The following COL4A1 variants were observed in gnomAD, a reference collection of about 807,000 sequenced individuals.
The protein encoded by COL4A1 is collagen alpha-1(IV) chain.
COL4A1 carries 40 observed loss-of-function variants against 216.6 expected under a neutral mutation model. That is an observed-to-expected ratio of 0.18 (90% CI 0.14 to 0.24). COL4A1 has a LOEUF of 0.24. Ranked by LOEUF, COL4A1 falls within the 10% of genes least tolerant of loss-of-function variation. COL4A1 has a pLI of 1.00. For synonymous variants in COL4A1, 839 were observed against 810.7 expected (o/e 1.03, Z -0.59); for missense variants, 1,628 against 2,196.8 (o/e 0.74, Z 5.18).
intron 18 of COL4A1, 125 bp from the exon 19 acceptor site, chr13:110,201,647 G>T: frequency 1.1e-6 from 1 of 894,862 alleles, no homozygotes; most frequent in Non-Finnish European, 1.9e-6. Flanking sequence ...AAGTGAAGTA[G>T]CAGCAATGGT....
chr13:110,258,230 G>A (rs79421402), intron 1 of COL4A1, among the ~76,000 whole-genome samples: 15,775 of 152,250 alleles, frequency 0.1, 1,046 homozygotes, highest in Non-Finnish European at 0.15. Flanking sequence ...AAAGTGAACC[G>A]GGCAGCACTC....
At chr13:110,284,720 G>A (rs1883771303) in intron 1 of COL4A1, among the ~76,000 whole-genome samples, 1 of 152,198 alleles carries the variant, frequency 6.6e-6, no homozygotes, top group South Asian at 2.1e-4. Flanking sequence ...ATATGAAAAA[G>A]AGAGGCTCGA....
At chr13:110,245,274 C>T (rs1881747519) in intron 1 of COL4A1, among the ~76,000 whole-genome samples, 2 of 152,174 alleles carry the variant, frequency 1.3e-5, no homozygotes, top group Non-Finnish European at 2.9e-5. Context: ...TTCGGGGCAG[C>T]CTCTTTGCTG....
intron 1 of COL4A1, among the ~76,000 whole-genome samples, chr13:110,269,554 T>G (rs998920356): frequency 5.9e-5 from 9 of 152,050 alleles, no homozygotes; most frequent in African/African-American, 2.2e-4. Flanking sequence ...TTATAAAAAT[T>G]AAGCTGCACC....
chr13:110,260,905 A>C (rs969672136), intron 1 of COL4A1, among the ~76,000 whole-genome samples: 8 of 151,982 alleles, frequency 5.3e-5, no homozygotes, highest in Admixed American at 2.0e-4. Context: ...GGTGCGGTGG[A>C]GGGCACCTGT....
chr13:110,232,024 C>A (rs624085), intron 2 of COL4A1, among the ~76,000 whole-genome samples: 1 of 152,122 alleles, frequency 6.6e-6, no homozygotes, highest in African/African-American at 2.4e-5. Context: ...AAGGAGAAAC[C>A]GTACCAAGGG....
At chr13:110,248,469 T>A (rs924804383) in intron 1 of COL4A1, among the ~76,000 whole-genome samples, 1 of 152,308 alleles carries the variant, frequency 6.6e-6, no homozygotes, top group African/African-American at 2.4e-5. Flanking sequence ...TTGCTCCAAC[T>A]GAGGCAAGTT....
At chr13:110,196,512 T>C (rs1878896460) in intron 21 of COL4A1, among the ~76,000 whole-genome samples, 1 of 152,138 alleles carries the variant, frequency 6.6e-6, no homozygotes, top group Admixed American at 6.5e-5. Context: ...ATGTAACTGT[T>C]ATACTCCTTT....
chr13:110,153,387 T>C (rs1416546817), intron 50 of COL4A1, among the ~76,000 whole-genome samples: 1 of 152,226 alleles, frequency 6.6e-6, no homozygotes, highest in Non-Finnish European at 1.5e-5. Flanking sequence ...GTCACTATTT[T>C]CGTTTGCTCC....
At chr13:110,246,165 C>A (rs1198921266) in intron 1 of COL4A1, among the ~76,000 whole-genome samples, 5 of 150,344 alleles carry the variant, frequency 3.3e-5, no homozygotes, top group Non-Finnish European at 4.4e-5. Flanking sequence ...AACAAAAAAG[C>A]TAGCCTTTAG....
intron 1 of COL4A1, among the ~76,000 whole-genome samples, chr13:110,272,851 G>A (rs375100145): frequency 6.6e-6 from 1 of 152,158 alleles, no homozygotes; most frequent in African/African-American, 2.4e-5. Context: ...ATGTCAGAAC[G>A]TCCGACCCTT....
intron 1 of COL4A1, among the ~76,000 whole-genome samples, chr13:110,300,218 C>G (rs939979527): frequency 1.3e-5 from 2 of 152,124 alleles, no homozygotes; most frequent in South Asian, 4.1e-4. Flanking sequence ...CAAATACTGA[C>G]CTAGTACCTT....
chr13:110,183,167 T>A lies in COL4A1; in HGVS notation c.1990+17A>T. On this transcript the variant is annotated intron_variant, in intron 27 of 51. Transcript: ENST00000375820. ...AAACTCTCGTGGTATCCCGGTGAGC[T>A]GGAATTCCAATCGTACCTTGGGGAC... The A allele has an allele frequency of 6.2e-7, 1 of 1,613,468 alleles. No homozygotes were observed. The highest frequency in any genetic ancestry group is 8.5e-7 in the Non-Finnish European group (1 of 1,179,728).
rs899965826 is a variant in COL4A1, at chr13:110,150,570, G to A, written c.4929-126C>T. 1.8e-5 allele frequency: 16 copies of A among 888,096 alleles called. No individual in the cohort carries two copies. The Admixed American group carries it at 2.6e-4, about 14-fold the overall frequency. 55.0% of individuals were successfully genotyped at this position (888,096 alleles called of 1,614,324 possible). On this transcript the variant is annotated intron_variant, in intron 51 of 51. Coordinates refer to ENST00000375820, the MANE Select transcript of COL4A1 (RefSeq NM_001845.6). ...GCCCCTGGCATCAGGCCTCAACCTG[G>A]TACCACCCAGTGAGCAGGCAGGTGC...
At chr13:110,295,054 CATA>C (rs1277831894) in intron 1 of COL4A1, among the ~76,000 whole-genome samples, 2 of 152,088 alleles carry the variant, frequency 1.3e-5, no homozygotes, top group Non-Finnish European at 2.9e-5. Context: ...ATACAAAAGC[CATA>C]ATGTCCTAGA....
chr13:110,221,918 A>G (rs912491178), intron 2 of COL4A1, among the ~76,000 whole-genome samples: 22 of 152,236 alleles, frequency 1.4e-4, no homozygotes, highest in Non-Finnish European at 8.8e-5. Flanking sequence ...GCGCTCAGGC[A>G]GCGCGTCTGT....
chr13:110,268,160 A>G lies in COL4A1; in HGVS notation c.85-25426T>C, dbSNP rs954539597. On this transcript the variant is annotated intron_variant, in intron 1 of 51. Coordinates refer to ENST00000375820, the MANE Select transcript of COL4A1 (RefSeq NM_001845.6). The surrounding 1 kb of genome is among the most constrained non-coding windows in gnomAD (Gnocchi z 4.1). The stretch of plus-strand genomic sequence containing the variant: ...TCACTGGCCTCAGTCAACCCCTAGC[A>G]TATAAAGACAAGGGGCCAGGTTCAG... 2.6e-5 allele frequency among the ~76,000 whole-genome samples: 4 copies of G among 152,230 alleles called. No homozygotes were observed. The highest frequency in any genetic ancestry group is 9.6e-5 in the African/African-American group (4 of 41,466).
intron 2 of COL4A1, among the ~76,000 whole-genome samples, chr13:110,238,976 C>T (rs1881443077): frequency 6.6e-6 from 1 of 152,208 alleles, no homozygotes; most frequent in African/African-American, 2.4e-5. Context: ...CATTCCCACA[C>T]TGCCGCAGTC....
chr13:110,222,752 G>A (rs1352107558), intron 2 of COL4A1, among the ~76,000 whole-genome samples: 3 of 107,090 alleles, frequency 2.8e-5, no homozygotes, highest in Non-Finnish European at 5.5e-5. Context: ...CAGCCTGGGC[G>A]ACAGAGCCAG....
Sources: gnomAD v4.1 joint callset for allele counts (sites outside exome capture counted in the v4.1 genomes callset) on GRCh38, gnomAD v4.1.1 for gene constraint, Gnocchi (gnomAD v3.1) non-coding constraint, MANE v1.5 for transcripts, NCBI Gene and HGNC (gene_info 2026-07-23, HGNC 2026-07-21) for gene names.